Variants in THEMIS observed in about 807,000 individuals in gnomAD.
THEMIS encodes the protein protein THEMIS.
A neutral mutation model predicts 52.6 loss-of-function variants in THEMIS; 37 were observed. The observed-to-expected ratio is 0.70, with a 90% CI of 0.54 to 0.93. The LOEUF is 0.93. Among genes scored for constraint, THEMIS ranks in the 40% least tolerant of loss-of-function variants. The probability of loss-of-function intolerance (pLI) is 0.00; values close to 1 mark genes in which losing one functional copy is unlikely to be tolerated. For synonymous variants in THEMIS, 292 were observed against 272.7 expected, an observed-to-expected ratio of 1.07 and a Z score of -0.70; for missense variants, 808 against 763.1, an observed-to-expected ratio of 1.06 and a Z score of -0.69.
At chr6:127,730,225 C>T (rs1213325755) in intron 4 of THEMIS, among the ~76,000 whole-genome samples, 4 of 149,426 alleles carry the variant, frequency 2.7e-5, no homozygotes, top group African/African-American at 7.4e-5. Context: ...TGTGATTGTG[C>T]CACTGCAGTC....
chr6:127,697,455 G>T, the THEMIS span, among the ~76,000 whole-genome samples: 268 of 152,206 alleles, frequency 1.8e-3, no homozygotes, highest in African/African-American at 5.8e-3. Context: ...AGGCATAACA[G>T]TTCTAGGAAA....
At chr6:127,872,485 C>T (rs1780186518) in intron 1 of THEMIS, among the ~76,000 whole-genome samples, 1 of 151,956 alleles carries the variant, frequency 6.6e-6, no homozygotes, top group African/African-American at 2.4e-5. Context: ...GGCAGGAAAC[C>T]CAGTAAGCAG....
chr6:127,890,128 T>A (rs1013376304), intron 1 of THEMIS, among the ~76,000 whole-genome samples: 9 of 152,136 alleles, frequency 5.9e-5, no homozygotes, highest in African/African-American at 2.2e-4. Context: ...ACCTGCTGTA[T>A]GAGTAGATTA....
chr6:127,912,815 G>A (rs1781441034), intron 1 of THEMIS, among the ~76,000 whole-genome samples: 1 of 152,164 alleles, frequency 6.6e-6, no homozygotes, highest in Non-Finnish European at 1.5e-5. Context: ...GACAAATTTT[G>A]TATACCTGTT....
chr6:127,790,771 T>C (rs1777129898), intron 4 of THEMIS, among the ~76,000 whole-genome samples: 1 of 152,140 alleles, frequency 6.6e-6, no homozygotes, highest in Non-Finnish European at 1.5e-5. Flanking sequence ...GAGGATTGTG[T>C]GAATGAGCAA....
chr6:127,818,725 A>G (rs911289927), intron 3 of THEMIS, among the ~76,000 whole-genome samples: 1 of 152,082 alleles, frequency 6.6e-6, no homozygotes, highest in African/African-American at 2.4e-5. Context: ...TAATAATGCT[A>G]AGGAGTATAA....
chr6:127,904,240 T>C (rs1781214399), upstream of THEMIS, among the ~76,000 whole-genome samples: 1 of 152,092 alleles, frequency 6.6e-6, no homozygotes, highest in South Asian at 2.1e-4. Context: ...TTTTGCTCAT[T>C]GAAAGCAGTA....
At chr6:127,755,865 A>G (rs1480107374) in intron 4 of THEMIS, among the ~76,000 whole-genome samples, 3 of 152,004 alleles carry the variant, frequency 2.0e-5, no homozygotes, top group Non-Finnish European at 2.9e-5. Context: ...TGTCTCTACT[A>G]AAAATACAAA....
intron 4 of THEMIS, among the ~76,000 whole-genome samples, chr6:127,809,744 C>G (rs559614470): frequency 1.6e-4 from 24 of 151,624 alleles, no homozygotes; most frequent in African/African-American, 5.6e-4. Flanking sequence ...ATTTGTCCTC[C>G]CTTTAACTTT....
chr6:127,795,839 G>C (rs530797399), intron 4 of THEMIS, among the ~76,000 whole-genome samples: 1 of 152,174 alleles, frequency 6.6e-6, no homozygotes. Context: ...GTACTAGAAA[G>C]TCCTACATTG....
At chr6:127,901,888 C>T (rs1781142946), upstream of THEMIS, among the ~76,000 whole-genome samples, 1 of 151,952 alleles carries the variant, frequency 6.6e-6, no homozygotes, top group Non-Finnish European at 1.5e-5. Flanking sequence ...TGATCAGCAC[C>T]AAAGGAAGCA....
rs182038510 is a variant in THEMIS, at chr6:127,750,682, A to G, written c.1759-30859T>C. Among the ~76,000 whole-genome samples, 244 of 151,962 alleles carry G rather than the reference A, an allele frequency of 1.6e-3. 1 individual carries two copies. The highest frequency in any genetic ancestry group is 5.6e-3 in the African/African-American group (234 of 41,540). On this transcript the variant is annotated intron_variant, in intron 4 of 5. Coordinates refer to ENST00000368248, the MANE Select transcript of THEMIS (RefSeq NM_001010923.3). ...TAATTGCTGATGCAATTTTAAATTAATAGTTCAAGGTTTTGAGAACATTAA... is the reference window on the plus strand; with the variant it reads ...TAATTGCTGATGCAATTTTAAATTAGTAGTTCAAGGTTTTGAGAACATTAA...
intron 1 of THEMIS, among the ~76,000 whole-genome samples, chr6:127,866,981 T>A (rs199824087): frequency 1.1e-5 from 1 of 86,962 alleles, no homozygotes; most frequent in Non-Finnish European, 2.6e-5. Flanking sequence ...TTATTTATTT[T>A]TTACTTTTGA....
At position 127,785,478 on chromosome 6, in the gene THEMIS, T is replaced by TA. The variant is rs71543125; in HGVS notation, c.1758+27404dup. On this transcript the variant is annotated intron_variant, in intron 4 of 5. Coordinates refer to ENST00000368248, the MANE Select transcript of THEMIS (RefSeq NM_001010923.3). Reference sequence around the variant, plus strand: ...CTTAAAGTATAATAATAATAAAATTTAAAAAAAAAAAAACAATACTTTCTC... The same window carrying TA: ...CTTAAAGTATAATAATAATAAAATTTAAAAAAAAAAAAAACAATACTTTCTC... Among the ~76,000 whole-genome samples the TA allele has an allele frequency of 2.3e-3, 330 of 143,602 alleles. 1 individual carries two copies. The highest frequency in any genetic ancestry group is 4.2e-3 in the East Asian group (21 of 4,966). 94.2% of individuals were successfully genotyped at this position (143,602 alleles called of 152,430 possible).
chr6:127,883,531 T>G (rs1342524552), intron 1 of THEMIS, among the ~76,000 whole-genome samples: 1 of 152,056 alleles, frequency 6.6e-6, no homozygotes, highest in Non-Finnish European at 1.5e-5. Flanking sequence ...TTCACATATT[T>G]ATGTATAGAC....
chr6:127,719,424 T>C (rs771720321), intron 5 of THEMIS, among the ~76,000 whole-genome samples: 1 of 151,974 alleles, frequency 6.6e-6, no homozygotes, highest in African/African-American at 2.4e-5. Flanking sequence ...ACAAGTAATC[T>C]TGAAATATTT....
At chr6:127,851,838 G>T (rs1043244108) in intron 2 of THEMIS, among the ~76,000 whole-genome samples, 1 of 151,582 alleles carries the variant, frequency 6.6e-6, no homozygotes, top group African/African-American at 2.4e-5. Context: ...ACACTCCTTG[G>T]TATTTACCCA....
At chr6:127,743,575 A>T (rs919794901) in intron 4 of THEMIS, among the ~76,000 whole-genome samples, 5 of 152,076 alleles carry the variant, frequency 3.3e-5, no homozygotes, top group South Asian at 4.1e-4. Context: ...TTTTAAGAAA[A>T]ATGTACAAGT....
At chr6:127,860,940 AT>A (rs964035171) in intron 1 of THEMIS, among the ~76,000 whole-genome samples, 1 of 152,184 alleles carries the variant, frequency 6.6e-6, no homozygotes, top group Admixed American at 6.5e-5. Flanking sequence ...ATTGTGGCTC[AT>A]TGAGTAAACA....
Sources: allele counts gnomAD v4.1 joint callset (sites outside exome capture counted in the v4.1 genomes callset), GRCh38; gene constraint gnomAD v4.1.1; transcripts MANE v1.5; gene names NCBI Gene and HGNC (gene_info 2026-07-23, HGNC 2026-07-21).